Variants in MTSS1 observed in about 807,000 individuals in gnomAD.
MTSS1 encodes MTSS I-BAR domain containing 1, also known as protein MTSS 1.
Under a neutral mutation model 79.0 loss-of-function variants are expected in MTSS1, and 18 were observed. The observed-to-expected ratio is 0.23, with a 90% CI of 0.16 to 0.34. The LOEUF (loss-of-function observed/expected upper bound fraction) is 0.34, where lower values mean the gene tolerates loss of function less well. Ranked by LOEUF, MTSS1 falls within the 10% of genes least tolerant of loss-of-function variation. The pLI, the probability that MTSS1 is intolerant of heterozygous loss-of-function variation, is 1.00. For synonymous variants in MTSS1, 341 were observed against 368.6 expected (o/e 0.93, Z 0.86); for missense variants, 815 against 986.2 (o/e 0.83, Z 2.33).
chr8:124,616,262 C>T (rs957567699), intron 3 of MTSS1, among the ~76,000 whole-genome samples: 1 of 151,758 alleles, frequency 6.6e-6, no homozygotes, highest in Non-Finnish European at 1.5e-5. Flanking sequence ...TGTTTATTTG[C>T]ACTGGATTTG....
At chr8:124,573,900 G>A (rs1243244901) in intron 6 of MTSS1, among the ~76,000 whole-genome samples, 4 of 152,184 alleles carry the variant, frequency 2.6e-5, no homozygotes, top group African/African-American at 7.2e-5. Context: ...CACCCCAGGG[G>A]ATATCATGAT....
chr8:124,644,180 G>GA (rs1818596664), intron 3 of MTSS1, among the ~76,000 whole-genome samples: 1 of 151,796 alleles, frequency 6.6e-6, no homozygotes, highest in Admixed American at 6.6e-5. Flanking sequence ...TGTGCCAAAA[G>GA]AAAAAAAAGA....
intron 3 of MTSS1, among the ~76,000 whole-genome samples, chr8:124,637,841 C>T (rs77475177): frequency 0.028 from 4,270 of 152,280 alleles, 171 homozygotes; most frequent in African/African-American, 0.097. Context: ...TCTGTGCAAA[C>T]GTTTACTGAG....
intron 3 of MTSS1, among the ~76,000 whole-genome samples, chr8:124,695,982 A>G (rs1828751870): frequency 6.6e-6 from 1 of 151,348 alleles, no homozygotes; most frequent in African/African-American, 2.4e-5. Context: ...TTTAGTTTAT[A>G]TATTTATTTC....
intron 3 of MTSS1, among the ~76,000 whole-genome samples, chr8:124,698,470 T>C (rs1262446086): frequency 1.3e-5 from 2 of 152,008 alleles, no homozygotes; most frequent in Admixed American, 6.6e-5. Context: ...AATAGGGTAA[T>C]TGTCTGTTAC....
chr8:124,700,663 C>T (rs117817780), intron 2 of MTSS1, among the ~76,000 whole-genome samples: 2 of 152,154 alleles, frequency 1.3e-5, no homozygotes, highest in Non-Finnish European at 2.9e-5. Flanking sequence ...TTTTTGGACA[C>T]CATAGGATGC....
rs57317141 is a variant in MTSS1 at position 124,651,446 on chromosome 8, T to C, written c.208+48080A>G. On this transcript the variant is annotated intron_variant, in intron 3 of 13. Coordinates refer to ENST00000518547, the MANE Select transcript of MTSS1 (RefSeq NM_014751.6). ...CTATGGCTACCAAATACAGTCCACATGGTCTTTTTTTTTTTGGTGGGGGGG... is the reference window on the plus strand; with the variant it reads ...CTATGGCTACCAAATACAGTCCACACGGTCTTTTTTTTTTTGGTGGGGGGG... Among the ~76,000 whole-genome samples, 7 of 151,320 alleles carry C rather than the reference T, an allele frequency of 4.6e-5. No homozygotes were observed. In the East Asian group the frequency reaches 7.8e-4, roughly 17 times the overall value.
Position 124,597,493 on chromosome 8 carries a change from AG to A in MTSS1, c.209-6259del, listed in dbSNP as rs1257321764. ...AGTTTCCTTGCCCCCTAAAGTCCGA[AG>A]TCAGATTGCCCCTTGCTGCAGAGAC... On this transcript the variant is annotated intron_variant, in intron 3 of 13. Coordinates refer to ENST00000518547, the MANE Select transcript of MTSS1 (RefSeq NM_014751.6). The surrounding 1 kb of genome is among the most constrained non-coding windows in gnomAD (Gnocchi z 4.6). Among the ~76,000 whole-genome samples, 1 of 152,232 alleles carries A rather than the reference AG, an allele frequency of 6.6e-6. No homozygotes were observed. The highest frequency in any genetic ancestry group is 1.5e-5 in the Non-Finnish European group (1 of 68,038).
intron 1 of MTSS1, among the ~76,000 whole-genome samples, chr8:124,718,329 C>A (rs1228382752): frequency 6.6e-6 from 1 of 151,346 alleles, no homozygotes; most frequent in Non-Finnish European, 1.5e-5. Context: ...AAGGCCAGCA[C>A]AACATCAAAG....
chr8:124,602,983 T>G lies in MTSS1; in HGVS notation c.209-11748A>C, dbSNP rs1834190286. Among the ~76,000 whole-genome samples, 3 of 152,164 alleles carry G rather than the reference T, an allele frequency of 2.0e-5. No homozygotes were observed. In the South Asian group the frequency reaches 6.2e-4, roughly 32 times the overall value. ...AGAGCTGGAAGGTGCCTTAGAAAAC[T>G]CACAAAGCAACAAACCAGCAGTTCC... is the stretch of plus-strand genomic sequence containing the variant. On this transcript the variant is annotated intron_variant, in intron 3 of 13. Transcript: ENST00000518547.
intron 3 of MTSS1, among the ~76,000 whole-genome samples, chr8:124,672,854 C>T (rs576836894): frequency 1.3e-5 from 2 of 151,430 alleles, no homozygotes; most frequent in South Asian, 4.2e-4. Context: ...TGCACACACA[C>T]ACATATGCAC....
chr8:124,555,526 G>A (rs544475568), intron 13 of MTSS1, among the ~76,000 whole-genome samples: 4 of 152,310 alleles, frequency 2.6e-5, no homozygotes, highest in African/African-American at 7.2e-5. Context: ...GATTACAGGC[G>A]TGAGCCACTG....
intron 3 of MTSS1, among the ~76,000 whole-genome samples, chr8:124,690,614 A>ACC (rs977573095): frequency 1.3e-5 from 2 of 152,222 alleles, no homozygotes; most frequent in African/African-American, 4.8e-5. Context: ...AACTGCTGCT[A>ACC]CCCAACCAAA....
In MTSS1 at chr8:124,727,433, G is replaced by A. The variant is rs1307329460; in HGVS notation, c.72+451C>T. 3 of 412,856 alleles carry A rather than the reference G, an allele frequency of 7.3e-6. No individual in the cohort carries two copies. The highest frequency in any genetic ancestry group is 1.5e-5 in the Non-Finnish European group (3 of 206,896). The allele number at this position is 412,856 out of a possible 1,614,324, so 25.6% of individuals were successfully genotyped here. On this transcript the variant is annotated intron_variant, in intron 1 of 13. Transcript: ENST00000518547. This position sits in a 1 kb window ranked among gnomAD's most constrained non-coding sequence, Gnocchi z 4.7. ...TCCCTCTCAGTCTCCTAGGCTAGGGGACTCCTTCCTGCGAGCGGGCAGAGC... is the reference window on the plus strand; with the variant it reads ...TCCCTCTCAGTCTCCTAGGCTAGGGAACTCCTTCCTGCGAGCGGGCAGAGC...
Position 124,585,162 on chromosome 8 carries a change from C to A in MTSS1, c.386-1G>T. ...ATCTCTTGGCGGGCTTTCTTATATT[C>A]TAAGAGAAAGCAGAATATGGAACAA... is the stretch of plus-strand genomic sequence containing the variant. On this transcript the variant is annotated splice_acceptor_variant, in intron 5 of 13. Transcript: ENST00000518547. LOFTEE classifies it high-confidence loss of function. 1 of 1,610,854 alleles carries A rather than the reference C, an allele frequency of 6.2e-7. No individual in the cohort carries two copies. The highest frequency in any genetic ancestry group is 1.1e-5 in the South Asian group (1 of 90,660).
At chr8:124,654,529 C>T (rs151065833) in intron 3 of MTSS1, among the ~76,000 whole-genome samples, 3 of 152,074 alleles carry the variant, frequency 2.0e-5, no homozygotes, top group African/African-American at 4.8e-5. Context: ...TTAAGAAAAA[C>T]AAGAGTTTCA....
At chr8:124,626,811 C>T (rs751753979) in intron 3 of MTSS1, among the ~76,000 whole-genome samples, 3 of 152,162 alleles carry the variant, frequency 2.0e-5, no homozygotes, top group Non-Finnish European at 4.4e-5. Context: ...CCAGCCTCTA[C>T]TGCAACAGAC....
At chr8:124,591,590 T>C (rs1383013367) in intron 3 of MTSS1, among the ~76,000 whole-genome samples, 1 of 152,210 alleles carries the variant, frequency 6.6e-6, no homozygotes, top group Non-Finnish European at 1.5e-5. Flanking sequence ...AAAATACTTC[T>C]CATGAAAGAT....
intron 1 of MTSS1, among the ~76,000 whole-genome samples, chr8:124,713,260 C>T (rs903218593): frequency 1.2e-4 from 18 of 152,354 alleles, no homozygotes; most frequent in African/African-American, 3.6e-4. Flanking sequence ...CCCACCACAA[C>T]GGCACCCCTA....
Sources: allele counts gnomAD v4.1 joint callset (sites outside exome capture counted in the v4.1 genomes callset), GRCh38; gene constraint gnomAD v4.1.1; non-coding constraint Gnocchi (gnomAD v3.1); transcripts MANE v1.5; gene names NCBI Gene and HGNC (gene_info 2026-07-23, HGNC 2026-07-21).